Variants in ARID5B observed in about 807,000 individuals in gnomAD.
ARID5B encodes the protein AT-rich interaction domain 5B, also known as AT-rich interactive domain-containing protein 5B.
Under a neutral mutation model 97.2 loss-of-function variants are expected in ARID5B, and 13 were observed. The ratio of observed to expected loss-of-function variants is 0.13; its 90% CI spans 0.09 to 0.21. The LOEUF is 0.21. ARID5B is among the 10% of genes least tolerant of loss of function. ARID5B has a pLI of 1.00. For missense variants in ARID5B, 1,210 were observed against 1,465.3 expected (o/e 0.83, Z 2.84); for synonymous variants, 556 against 570.3 (o/e 0.97, Z 0.36).
intron 4 of ARID5B, among the ~76,000 whole-genome samples, chr10:62,011,674 C>A (rs1057314306): frequency 6.6e-6 from 1 of 152,202 alleles, no homozygotes; most frequent in Non-Finnish European, 1.5e-5. Context: ...CTTTTCAGAG[C>A]ACCTCCACCT....
At chr10:61,902,549 G>A in intron 2 of ARID5B, 136 bp downstream of exon 2, 4 of 1,220,966 alleles carry the variant, frequency 3.3e-6, no homozygotes, top group Non-Finnish European at 4.6e-6. Flanking sequence ...AAGGGGTAGC[G>A]CCACTAGCTG....
chr10:61,902,797 T>C (rs1365836730), intron 2 of ARID5B, among the ~76,000 whole-genome samples: 1 of 152,066 alleles, frequency 6.6e-6, no homozygotes, highest in Non-Finnish European at 1.5e-5. Flanking sequence ...TACCTTCGTG[T>C]CTGGCTCGGT....
intron 9 of ARID5B, among the ~76,000 whole-genome samples, chr10:62,086,102 C>T (rs1035983822): frequency 6.6e-6 from 1 of 152,100 alleles, no homozygotes; most frequent in African/African-American, 2.4e-5. Flanking sequence ...AAATCCAATG[C>T]CTAGTATTGA....
intron 3 of ARID5B, among the ~76,000 whole-genome samples, chr10:61,988,779 A>G (rs927950597): frequency 1.3e-5 from 2 of 152,180 alleles, no homozygotes; most frequent in African/African-American, 2.4e-5. Context: ...ATGCTGTTCA[A>G]TAAGGTAGCC....
chr10:62,033,951 T>C (rs1008538085), intron 4 of ARID5B, among the ~76,000 whole-genome samples: 9 of 152,234 alleles, frequency 5.9e-5, no homozygotes, highest in African/African-American at 2.2e-4. Flanking sequence ...TACTTTCTTA[T>C]GAAACTTGGG....
chr10:61,952,012 C>A (rs1838330725), intron 3 of ARID5B, among the ~76,000 whole-genome samples: 1 of 152,126 alleles, frequency 6.6e-6, no homozygotes, highest in African/African-American at 2.4e-5. Flanking sequence ...TGTAGTTATG[C>A]ACATAGCCAT....
intron 3 of ARID5B, among the ~76,000 whole-genome samples, chr10:61,967,747 A>C (rs1445833222): frequency 6.6e-6 from 1 of 152,182 alleles, no homozygotes; most frequent in Non-Finnish European, 1.5e-5. Context: ...CTGGCCTGTG[A>C]ATGTTAATGT....
chr10:61,954,376 TAAATAAAAATA>T lies in ARID5B; in HGVS notation c.502+13977_502+13987del, dbSNP rs1412653400. 6.2e-4 allele frequency among the ~76,000 whole-genome samples: 94 copies of T among 151,460 alleles called. 1 individual carries two copies. The highest frequency in any genetic ancestry group is 1.3e-4 in the Non-Finnish European group (9 of 67,888). Reference sequence around the variant, plus strand: ...GCATCTCAAAAAATAAATAAATAAATAAATAAAAATAAAATAAAATTATATATATAAATTTC... The same window carrying T: ...GCATCTCAAAAAATAAATAAATAAATAAATAAAATTATATATATAAATTTC... On this transcript the variant is annotated intron_variant, in intron 3 of 9. Coordinates refer to ENST00000279873, the MANE Select transcript of ARID5B (RefSeq NM_032199.3).
At chr10:61,981,330 G>T (rs913045686) in intron 3 of ARID5B, among the ~76,000 whole-genome samples, 3 of 152,124 alleles carry the variant, frequency 2.0e-5, no homozygotes, top group African/African-American at 7.2e-5. Flanking sequence ...CACCCAGGCT[G>T]GAGTGCAGTG....
rs182834807 is a variant in ARID5B at position 62,033,037 on chromosome 10, C to T, written c.734-17851C>T. ...AAGTTTGTCTATACTGGGAACCCTACGACCAACAGGTTGCCATTCTTCTTG... is the reference window on the plus strand; with the variant it reads ...AAGTTTGTCTATACTGGGAACCCTATGACCAACAGGTTGCCATTCTTCTTG... On this transcript the variant is annotated intron_variant, in intron 4 of 9. Coordinates refer to ENST00000279873, the MANE Select transcript of ARID5B (RefSeq NM_032199.3). Among the ~76,000 whole-genome samples the T allele has an allele frequency of 1.5e-3, 230 of 152,308 alleles. 1 individual carries two copies. The highest frequency in any genetic ancestry group is 5.1e-4 in the Non-Finnish European group (35 of 68,016).
intron 4 of ARID5B, among the ~76,000 whole-genome samples, chr10:62,013,336 A>G (rs1166304484): frequency 6.6e-6 from 1 of 152,204 alleles, no homozygotes; most frequent in Non-Finnish European, 1.5e-5. Context: ...CAAAAATTGT[A>G]CATGTCTATC....
intron 4 of ARID5B, among the ~76,000 whole-genome samples, chr10:62,010,667 C>T (rs567287344): frequency 7.3e-4 from 111 of 152,302 alleles, no homozygotes; most frequent in African/African-American, 2.6e-3. Context: ...GTAATCTGGT[C>T]AGTGTCTTTA....
chr10:62,062,562 A>G (rs1482714600), intron 7 of ARID5B, among the ~76,000 whole-genome samples: 1 of 152,142 alleles, frequency 6.6e-6, no homozygotes, highest in Non-Finnish European at 1.5e-5. Context: ...ATCTAAGTCA[A>G]GTATCAAAGA....
intron 4 of ARID5B, among the ~76,000 whole-genome samples, chr10:62,041,925 C>G (rs1010031188): frequency 6.6e-6 from 1 of 152,148 alleles, no homozygotes; most frequent in East Asian, 1.9e-4. Context: ...ATAGTAACAC[C>G]AAAGAACATA....
At chr10:62,048,469 T>C (rs1329114925) in intron 4 of ARID5B, among the ~76,000 whole-genome samples, 6 of 152,210 alleles carry the variant, frequency 3.9e-5, no homozygotes, top group Non-Finnish European at 7.3e-5. Flanking sequence ...TGGTAGGATT[T>C]GCCTAACCAT....
chr10:62,075,262 A>AT (rs1033161931), intron 8 of ARID5B, among the ~76,000 whole-genome samples: 32 of 152,324 alleles, frequency 2.1e-4, no homozygotes, highest in African/African-American at 7.7e-4. Context: ...TTTTCAAGAT[A>AT]TTTTTTTAAT....
intron 2 of ARID5B, among the ~76,000 whole-genome samples, chr10:61,909,649 T>A (rs1001291857): frequency 6.6e-6 from 1 of 152,214 alleles, no homozygotes; most frequent in East Asian, 1.9e-4. Context: ...TCTGAGTGAC[T>A]GAACGACATA....
chr10:62,024,937 T>C, intron 4 of ARID5B: 3 of 305,486 alleles, frequency 9.8e-6, no homozygotes, highest in Non-Finnish European at 1.8e-5. Context: ...TACATATAAG[T>C]GCCCTACTGG....
At chr10:61,907,391 C>T (rs1340478541) in intron 2 of ARID5B, among the ~76,000 whole-genome samples, 1 of 148,276 alleles carries the variant, frequency 6.7e-6, no homozygotes, top group Non-Finnish European at 1.5e-5. Flanking sequence ...ATTTCTGAGA[C>T]CTCTTAAATG....
Sources: allele counts gnomAD v4.1 joint callset (sites outside exome capture counted in the v4.1 genomes callset), GRCh38; gene constraint gnomAD v4.1.1; transcripts MANE v1.5; gene names NCBI Gene and HGNC (gene_info 2026-07-23, HGNC 2026-07-21).